The following RECQL5 variants were observed in gnomAD, a reference collection of about 807,000 sequenced individuals.
The protein encoded by RECQL5 is RecQ like helicase 5.
A neutral mutation model predicts 103.4 loss-of-function variants in RECQL5; 88 were observed. The observed-to-expected ratio is 0.85, with a 90% CI of 0.72 to 1.02. RECQL5 has a LOEUF of 1.02. Among genes scored for constraint, RECQL5 ranks in the 50% least tolerant of loss-of-function variants. The pLI, the probability that RECQL5 is intolerant of heterozygous loss-of-function variation, is 0.00. For missense variants in RECQL5, 1,232 were observed against 1,284.3 expected, an observed-to-expected ratio of 0.96 and a Z score of 0.62; for synonymous variants, 552 against 507.9, an observed-to-expected ratio of 1.09 and a Z score of -1.17.
rs1274180688 is a variant in RECQL5 at position 75,631,607 on chromosome 17, A to G, written c.1291T>C (p.Cys431Arg). The part of the protein sequence containing the change: ...GDALPACAKG[C>R]DHCQNPTAVR... ...GCCGTGGGGTTCTGGCAGTGGTCGC[A>G]GCCTTTGGCGCAGGCAGGCAGCGCA... Residue 431 changes from cysteine (C) to arginine (R), a missense_variant, in exon 9 of 20, where the codon TGC becomes CGC. Cys to Arg is a radical substitution (Grantham distance 180). Transcript: ENST00000317905. The G allele has an allele frequency of 6.2e-7, 1 of 1,612,732 alleles. No homozygotes were observed. The highest frequency in any genetic ancestry group is 1.3e-5 in the African/African-American group (1 of 75,062).
Position 75,640,242 on chromosome 17 carries a change from G to T in RECQL5, c.1230-8574C>A. ...TTCGTGCAGGAGATGCGCGCCGTGG[G>T]CGAGAGGCTGCTGCTCAAGCTGCAG... On this transcript the variant is annotated intron_variant, in intron 8 of 19. Coordinates refer to ENST00000317905, the MANE Select transcript of RECQL5 (RefSeq NM_004259.7). This position sits in a 1 kb window ranked among gnomAD's most constrained non-coding sequence, Gnocchi z 4.6. 1 of 1,551,324 alleles carries T rather than the reference G, an allele frequency of 6.4e-7. No individual in the cohort carries two copies. Among genetic ancestry groups the T allele is most frequent in the Non-Finnish European group, 8.7e-7 (1 of 1,146,874 alleles).
chr17:75,665,168 G>A lies in RECQL5; in HGVS notation c.135C>T (p.Asn45=). The A allele has an allele frequency of 2.5e-6, 4 of 1,607,456 alleles. No homozygotes were observed. Among genetic ancestry groups the A allele is most frequent in the Non-Finnish European group, 3.4e-6 (4 of 1,178,048 alleles). The change falls in exon 3 of 20, where the codon AAC becomes AAT. Residue 45 remains asparagine (N), a synonymous_variant. Coordinates refer to ENST00000317905, the MANE Select transcript of RECQL5 (RefSeq NM_004259.7). The stretch of plus-strand genomic sequence containing the variant: ...TGGGCATGCACACAAAGACGTCCTT[G>A]TTACCTGAAAAAATACAAGACAACA... ...ESATMAVVKG[N]KDVFVCMPTG...
At chr17:75,629,629 A>G in intron 15 of RECQL5, 79 bp downstream of exon 15, 1 of 1,517,666 alleles carries the variant, frequency 6.6e-7, no homozygotes, top group Non-Finnish European at 8.9e-7. Flanking sequence ...GGCCTTGGCA[A>G]GAGGTGCACC....
intron 8 of RECQL5, chr17:75,647,377 A>G: frequency 6.5e-7 from 1 of 1,547,712 alleles, no homozygotes; most frequent in Non-Finnish European, 8.7e-7. Context: ...CCAGATTCTC[A>G]TGGACCAACT....
Position 75,628,973 on chromosome 17 carries a change from G to A in RECQL5, c.2450C>T (p.Ala817Val). The A allele has an allele frequency of 1.3e-6, 2 of 1,565,364 alleles. No homozygotes were observed. The highest frequency in any genetic ancestry group is 1.7e-6 in the Non-Finnish European group (2 of 1,158,922). The part of the protein sequence containing the change: ...EEDGAGGHSP[A>V]PPQTEECLRE... ...GAGGCACTCCTCAGTCTGGGGAGGG[G>A]CAGGCGAATGTCCCCCGGCTCCATC... The change falls in exon 16 of 20, where the codon GCC becomes GTC. Residue 817 changes from alanine (A) to valine (V), a missense_variant. Physicochemically the swap from Ala to Val is moderately conservative, Grantham distance 64. Transcript: ENST00000317905.
In RECQL5 at chr17:75,662,430, C is replaced by T. The variant is rs201469433; in HGVS notation, c.771+49G>A. 159 of 1,573,292 alleles carry T rather than the reference C, an allele frequency of 1.0e-4. 2 individuals are homozygous for T. Among genetic ancestry groups the T allele is most frequent in the Admixed American group, 2.3e-4 (13 of 56,562 alleles). Reference sequence around the variant, plus strand: ...AGACTAATCTCCATCTCCATCACATCGCACCCCACTGCTCTAACAGCTGCT... The same window carrying T: ...AGACTAATCTCCATCTCCATCACATTGCACCCCACTGCTCTAACAGCTGCT... On this transcript the variant is annotated intron_variant, in intron 4 of 19. Transcript: ENST00000317905.
Position 75,651,184 on chromosome 17 carries a change from A to T in RECQL5, c.1229+2T>A, listed in dbSNP as rs2059551111. The T allele has an allele frequency of 6.2e-7, 1 of 1,614,124 alleles. No individual in the cohort carries two copies. Among genetic ancestry groups the T allele is most frequent in the Non-Finnish European group, 8.5e-7 (1 of 1,180,034 alleles). On this transcript the variant is annotated splice_donor_variant, in intron 8 of 19. Transcript: ENST00000317905. LOFTEE classifies it high-confidence loss of function. ...GCTCCACATATAAAATAAGTCACTT[A>T]CCCCAGTTCTTCACAGAAGGTCACC...
At chr17:75,665,801 T>C (rs956047656) in intron 2 of RECQL5, among the ~76,000 whole-genome samples, 3 of 151,848 alleles carry the variant, frequency 2.0e-5, no homozygotes, top group Admixed American at 2.0e-4. Flanking sequence ...TGTGTAGACA[T>C]GAGAGGACAT....
chr17:75,662,837 AAGG>A lies in RECQL5; in HGVS notation c.410_412del (p.Ser137del). On this transcript the variant is annotated inframe_deletion, in exon 4 of 20. Coordinates refer to ENST00000317905, the MANE Select transcript of RECQL5 (RefSeq NM_004259.7). ...CACCAGGGAGTTCAGGGTGGGCTGG[AAGG>A]AGGATGAAGCTGCCATCTCTGGGGT... 1 of 1,614,140 alleles carries A rather than the reference AAGG, an allele frequency of 6.2e-7. No homozygotes were observed. Among genetic ancestry groups the A allele is most frequent in the Non-Finnish European group, 8.5e-7 (1 of 1,180,024 alleles).
At chr17:75,641,114 T>A in intron 8 of RECQL5, 3 of 768,328 alleles carry the variant, frequency 3.9e-6, no homozygotes, top group Non-Finnish European at 5.9e-6. Context: ...GGACACTGGG[T>A]GCTGGGGAGT....
chr17:75,627,297 C>T lies in RECQL5; in HGVS notation c.*125G>A. On this transcript the variant is annotated 3_prime_UTR_variant, in exon 20 of 20. Transcript: ENST00000317905. ...GGGGTGTCTGGGGTCATCCCCAAAG[C>T]CAAGTATGGTTGGAAAGGAGAAGGA... 1 of 803,518 alleles carries T rather than the reference C, an allele frequency of 1.2e-6. No individual in the cohort carries two copies. Among genetic ancestry groups the T allele is most frequent in the Non-Finnish European group, 2.1e-6 (1 of 471,012 alleles). The allele number at this position is 803,518 out of a possible 1,614,324, so 49.8% of individuals were successfully genotyped here. A position where few individuals can be genotyped will look rare whatever the true frequency, so the allele number is the denominator to read the frequency against.
chr17:75,661,864 TA>T (rs2059704188), intron 4 of RECQL5, among the ~76,000 whole-genome samples, 156 bp from the exon 5 acceptor site: 1 of 152,178 alleles, frequency 6.6e-6, no homozygotes, highest in African/African-American at 2.4e-5. Context: ...TGTCACTTTA[TA>T]AAAAGCAGGA....
rs911426121 is a variant in RECQL5 at position 75,658,829 on chromosome 17, T to C, written c.987-369A>G. Among the ~76,000 whole-genome samples, 4 of 152,298 alleles carry C rather than the reference T, an allele frequency of 2.6e-5. No individual in the cohort carries two copies. In the South Asian group the frequency reaches 8.3e-4, roughly 32 times the overall value. Reference sequence around the variant, plus strand: ...TCTTTGGAGAGGGAAAGGAATAATATTTATTAAATACCTCCTATGTGCCAG... The same window carrying C: ...TCTTTGGAGAGGGAAAGGAATAATACTTATTAAATACCTCCTATGTGCCAG... On this transcript the variant is annotated intron_variant, in intron 6 of 19. Coordinates refer to ENST00000317905, the MANE Select transcript of RECQL5 (RefSeq NM_004259.7).
At chr17:75,634,372 C>T (rs1228214011) in intron 8 of RECQL5, 2 of 502,566 alleles carry the variant, frequency 4.0e-6, no homozygotes, top group Non-Finnish European at 5.1e-6. Flanking sequence ...CACCTGCACT[C>T]TCCCTGCTGC....
At chr17:75,656,103 T>C (rs2059615917) in intron 7 of RECQL5, among the ~76,000 whole-genome samples, 1 of 152,084 alleles carries the variant, frequency 6.6e-6, no homozygotes, top group Non-Finnish European at 1.5e-5. Context: ...AGACCGACTT[T>C]CACTCTTGTT....
intron 2 of RECQL5, 131 bp downstream of exon 2, chr17:75,666,297 A>T (rs2059779562): frequency 9.3e-7 from 1 of 1,072,550 alleles, no homozygotes; most frequent in Non-Finnish European, 1.3e-6. Flanking sequence ...AGCTTTGACA[A>T]CTCTAAAGAT....
In RECQL5 at chr17:75,630,718, G is replaced by A. The variant is rs75011564; in HGVS notation, c.1645-26C>T. 2.5e-3 allele frequency: 4,032 copies of A among 1,609,682 alleles called. 55 individuals are homozygous for A. The African/African-American group carries it at 0.027, about 11-fold the overall frequency. Reference sequence around the variant, plus strand: ...CTGGCACAGGACAGTGAGACTGGTCGCATGGCCTCGCGGCTGGGGGAGGGC... The same window carrying A: ...CTGGCACAGGACAGTGAGACTGGTCACATGGCCTCGCGGCTGGGGGAGGGC... On this transcript the variant is annotated intron_variant, in intron 12 of 19. Transcript: ENST00000317905.
Position 75,628,941 on chromosome 17 carries a change from T to C in RECQL5, c.2482A>G (p.Arg828Gly). The C allele has an allele frequency of 6.4e-7, 1 of 1,573,458 alleles. No individual in the cohort carries two copies. Among genetic ancestry groups the C allele is most frequent in the South Asian group, 1.2e-5 (1 of 84,358 alleles). Residue 828 changes from arginine (R) to glycine (G), a missense_variant, in exon 16 of 20, where the codon AGG becomes GGG. Transcript: ENST00000317905. ...PPQTEECLRE[R>G]PSTCPPRDQG... ...GACTACCTGTACCCTTACCTTGGCCTCTCCCTGAGGCACTCCTCAGTCTGG... is the reference window on the plus strand; with the variant it reads ...GACTACCTGTACCCTTACCTTGGCCCCTCCCTGAGGCACTCCTCAGTCTGG...
intron 8 of RECQL5, chr17:75,635,762 G>A: frequency 3.0e-6 from 3 of 983,830 alleles, no homozygotes; most frequent in Non-Finnish European, 3.6e-6. Context: ...AAACAACAGG[G>A]CAGAGCAAGC....
Sources: gnomAD v4.1 joint callset for allele counts (sites outside exome capture counted in the v4.1 genomes callset) on GRCh38, gnomAD v4.1.1 for gene constraint, Gnocchi (gnomAD v3.1) non-coding constraint, MANE v1.5 for transcripts, NCBI Gene and HGNC (gene_info 2026-07-23, HGNC 2026-07-21) for gene names.